Variants in WDR25 observed in about 807,000 individuals in gnomAD.
WDR25 encodes WD repeat-containing protein 25.
In WDR25, 35 loss-of-function variants were observed where a neutral mutation model predicts 47.7. The ratio of observed to expected loss-of-function variants is 0.73; its 90% CI spans 0.56 to 0.97. The LOEUF (loss-of-function observed/expected upper bound fraction) is 0.97. Ranked by LOEUF, WDR25 falls within the 50% of genes least tolerant of loss-of-function variation. WDR25 has a pLI of 0.00. For synonymous variants in WDR25, 248 were observed against 278.9 expected (o/e 0.89, Z 1.10); for missense variants, 634 against 704.7 (o/e 0.90, Z 1.14).
In WDR25 at chr14:100,391,776, T is replaced by G. The variant is rs551551898; in HGVS notation, c.822+10030T>G. Among the ~76,000 whole-genome samples the G allele has an allele frequency of 4.6e-5, 7 of 152,364 alleles. No homozygotes were observed. In the South Asian group the frequency reaches 1.2e-3, roughly 27 times the overall value. On this transcript the variant is annotated intron_variant, in intron 2 of 6. Transcript: ENST00000402312. The stretch of plus-strand genomic sequence containing the variant: ...TAATTTATTGCTTTGGTTTTTAGTG[T>G]GGTCTCCAAATCCCTGGGGGGCCTC...
intron 5 of WDR25, among the ~76,000 whole-genome samples, chr14:100,528,435 CT>C (rs66881970): frequency 6.5e-4 from 85 of 131,012 alleles, no homozygotes; most frequent in East Asian, 1.1e-3. Flanking sequence ...TTCTTTCTTT[CT>C]TTTTTTTTTT....
intron 2 of WDR25, among the ~76,000 whole-genome samples, chr14:100,382,395 G>A (rs1445640199): frequency 6.6e-6 from 1 of 152,170 alleles, no homozygotes; most frequent in Non-Finnish European, 1.5e-5. Context: ...CCCTGTGTAT[G>A]TGTTGGCTCC....
In WDR25 at chr14:100,525,943, T is replaced by C. The variant is rs1324685053; in HGVS notation, c.1175T>C (p.Leu392Pro). ...TTCCTCCGGGAAGGCTCCGAGTTCC[T>C]GAGCAGCACAGACGCTTCCACCCGG... ...ILFLREGSEF[L>P]SSTDASTRDS... Residue 392 changes from leucine (L) to proline (P), a missense_variant, in exon 5 of 7, where the codon CTG (leucine) becomes CCG (proline). By Grantham distance (98) the Leu-to-Pro change is moderately conservative (BLOSUM62 -3). Coordinates refer to ENST00000402312, the MANE Select transcript of WDR25 (RefSeq NM_001161476.3). The surrounding 1 kb of genome is among the most constrained non-coding windows in gnomAD (Gnocchi z 4.6). 2 of 1,614,050 alleles carry C rather than the reference T, an allele frequency of 1.2e-6. No individual in the cohort carries two copies. The highest frequency in any genetic ancestry group is 2.7e-5 in the African/African-American group (2 of 75,034).
At chr14:100,494,209 G>A (rs1900658924) in intron 4 of WDR25, among the ~76,000 whole-genome samples, 1 of 152,238 alleles carries the variant, frequency 6.6e-6, no homozygotes, top group Admixed American at 6.5e-5. Context: ...ATAGGCGTGA[G>A]CCACTACACC....
chr14:100,398,491 TA>T (rs1897308591), intron 2 of WDR25, among the ~76,000 whole-genome samples: 1 of 152,062 alleles, frequency 6.6e-6, no homozygotes, highest in Non-Finnish European at 1.5e-5. Context: ...TGTAAAACTT[TA>T]AAAAATAATT....
chr14:100,512,804 A>C (rs1901352282), intron 4 of WDR25, among the ~76,000 whole-genome samples: 1 of 152,156 alleles, frequency 6.6e-6, no homozygotes, highest in Admixed American at 6.5e-5. Context: ...TTCAGTTCAA[A>C]ATACTTTCTG....
At position 100,404,908 on chromosome 14, in the gene WDR25, C is replaced by G. The variant is rs1897487094; in HGVS notation, c.822+23162C>G. Among the ~76,000 whole-genome samples, 2 of 152,160 alleles carry G rather than the reference C, an allele frequency of 1.3e-5. No homozygotes were observed. The highest frequency in any genetic ancestry group is 2.9e-5 in the Non-Finnish European group (2 of 68,032). On this transcript the variant is annotated intron_variant, in intron 2 of 6. Coordinates refer to ENST00000402312, the MANE Select transcript of WDR25 (RefSeq NM_001161476.3). The surrounding 1 kb of genome is among the most constrained non-coding windows in gnomAD (Gnocchi z 4.6). ...CTTGTATCATTGTCTGAACTTGGCA[C>G]TGGTGTGTTTGGGCCCTTCCTCTTA...
intron 2 of WDR25, among the ~76,000 whole-genome samples, chr14:100,394,048 C>T (rs886334707): frequency 1.3e-5 from 2 of 152,154 alleles, no homozygotes; most frequent in African/African-American, 2.4e-5. Flanking sequence ...ATGTGTGAAA[C>T]CACTCTGTAA....
At chr14:100,527,161 A>G (rs997626353) in intron 5 of WDR25, among the ~76,000 whole-genome samples, 1 of 150,306 alleles carries the variant, frequency 6.7e-6, no homozygotes, top group Non-Finnish European at 1.5e-5. Context: ...CCACCCCACC[A>G]TCAGCACCAC....
chr14:100,473,031 C>T (rs1258666539), intron 3 of WDR25, among the ~76,000 whole-genome samples: 5 of 152,232 alleles, frequency 3.3e-5, no homozygotes, highest in Non-Finnish European at 4.4e-5. Context: ...CATAAATGAC[C>T]ATTTCTCCTT....
intron 4 of WDR25, among the ~76,000 whole-genome samples, chr14:100,513,070 TG>T (rs1188317973): frequency 6.6e-6 from 1 of 152,248 alleles, no homozygotes; most frequent in Non-Finnish European, 1.5e-5. Context: ...TTGGGTGCAG[TG>T]TTCTATAAAT....
At chr14:100,451,982 T>C (rs1484984324) in intron 2 of WDR25, among the ~76,000 whole-genome samples, 1 of 152,192 alleles carries the variant, frequency 6.6e-6, no homozygotes, top group South Asian at 2.1e-4. Context: ...CACATGTTTG[T>C]CCATCTGTCC....
At chr14:100,480,895 G>A in intron 3 of WDR25, 1 of 308,112 alleles carries the variant, frequency 3.2e-6, no homozygotes, top group Non-Finnish European at 6.4e-6. Flanking sequence ...GCCCAGCTTT[G>A]CAAAGGCTCT....
chr14:100,524,664 C>T (rs2030026584), intron 4 of WDR25, among the ~76,000 whole-genome samples: 1 of 152,162 alleles, frequency 6.6e-6, no homozygotes, highest in South Asian at 2.1e-4. Context: ...TACCCTCCCC[C>T]AGGAATTACA....
intron 2 of WDR25, among the ~76,000 whole-genome samples, chr14:100,417,368 G>A (rs1485222693): frequency 6.6e-6 from 1 of 152,240 alleles, no homozygotes; most frequent in African/African-American, 2.4e-5. Flanking sequence ...AGGGATTTGT[G>A]GGACTGAGTA....
intron 3 of WDR25, among the ~76,000 whole-genome samples, chr14:100,473,417 A>T (rs1005913445): frequency 1.3e-5 from 2 of 152,106 alleles, no homozygotes; most frequent in Non-Finnish European, 2.9e-5. Context: ...TGCCCTCCCC[A>T]CGTCTGTTTC....
intron 4 of WDR25, among the ~76,000 whole-genome samples, chr14:100,494,673 A>G (rs1037415708): frequency 5.3e-5 from 8 of 152,230 alleles, no homozygotes; most frequent in African/African-American, 1.7e-4. Context: ...TAAATAGGAC[A>G]GGACAGCTAG....
intron 3 of WDR25, among the ~76,000 whole-genome samples, chr14:100,475,444 G>T (rs1241593482): frequency 6.6e-6 from 1 of 152,190 alleles, no homozygotes; most frequent in Non-Finnish European, 1.5e-5. Context: ...ATACTCTACA[G>T]CCTTAAAAAA....
At chr14:100,426,585 TAG>T (rs1321353090) in intron 2 of WDR25, among the ~76,000 whole-genome samples, 4 of 152,194 alleles carry the variant, frequency 2.6e-5, no homozygotes, top group African/African-American at 9.7e-5. Flanking sequence ...GAAGGCGGAT[TAG>T]AGCCGAGTTC....
Sources: gnomAD v4.1 joint callset for allele counts (sites outside exome capture counted in the v4.1 genomes callset) on GRCh38, gnomAD v4.1.1 for gene constraint, Gnocchi (gnomAD v3.1) non-coding constraint, MANE v1.5 for transcripts, NCBI Gene and HGNC (gene_info 2026-07-23, HGNC 2026-07-21) for gene names.